The following TBX10 variants were observed in gnomAD, a reference collection of about 807,000 sequenced individuals.
TBX10 encodes T-box transcription factor 10, also known as T-box transcription factor TBX10.
TBX10 carries 26 observed loss-of-function variants against 32.4 expected under a neutral mutation model. The ratio of observed to expected loss-of-function variants is 0.80; its 90% CI spans 0.59 to 1.11. The LOEUF (loss-of-function observed/expected upper bound fraction) is 1.11. Ranked by LOEUF, TBX10 falls within the 50% of genes most tolerant of loss-of-function variation. TBX10 has a pLI of 0.00. For synonymous variants in TBX10, 195 were observed against 203.1 expected (o/e 0.96, Z 0.34); for missense variants, 490 against 494.5 (o/e 0.99, Z 0.09).
At chr11:67,639,002 C>G (rs769816567) in intron 1 of TBX10, among the ~76,000 whole-genome samples, 4 of 152,192 alleles carry the variant, frequency 2.6e-5, no homozygotes, top group Non-Finnish European at 5.9e-5. Context: ...CACCCGCTGC[C>G]CGTCGCAGCC....
intron 1 of TBX10, 73 bp downstream of exon 1, chr11:67,639,393 T>TTCCCCGGGGGGCC: frequency 1.4e-6 from 1 of 726,926 alleles, no homozygotes. Context: ...CTGTCTTGGT[T>TTCCCCGGGGGGCC]CCCACCCTGC....
intron 1 of TBX10, among the ~76,000 whole-genome samples, chr11:67,638,972 T>A (rs952670039): frequency 6.6e-6 from 1 of 152,114 alleles, no homozygotes; most frequent in African/African-American, 2.4e-5. Flanking sequence ...GGTCACTGGC[T>A]CCCAAGTCCT....
chr11:67,634,367 AGCACAGCGAGGTGGT>A lies in TBX10; in HGVS notation c.378-22_378-8del. The A allele has an allele frequency of 6.2e-7, 1 of 1,600,986 alleles. No homozygotes were observed. ...CGAGCTGTGGAAGGCATACCTGGGG[AGCACAGCGAGGTGGT>A]GAGGGCTTCCCCAACCAGAGTCACG... On this transcript the variant is annotated splice_polypyrimidine_tract_variant and splice_region_variant and intron_variant, in intron 3 of 7. Coordinates refer to ENST00000335385, the MANE Select transcript of TBX10 (RefSeq NM_005995.5).
chr11:67,640,165 C>T (rs962033101), upstream of TBX10, among the ~76,000 whole-genome samples: 4 of 152,300 alleles, frequency 2.6e-5, no homozygotes, highest in South Asian at 2.1e-4. Flanking sequence ...GCAGCAGCAA[C>T]GAGTGCAGTC....
At chr11:67,637,646 A>T (rs1855349104) in intron 1 of TBX10, among the ~76,000 whole-genome samples, 1 of 152,198 alleles carries the variant, frequency 6.6e-6, no homozygotes, top group African/African-American at 2.4e-5. Flanking sequence ...ACAGGCTATG[A>T]CCTAATGTTT....
intron 1 of TBX10, among the ~76,000 whole-genome samples, chr11:67,637,549 T>C (rs4930462): frequency 0.19 from 28,250 of 152,010 alleles, 3,008 homozygotes; most frequent in Admixed American, 0.32. Context: ...CTTTTAAAAC[T>C]GGCAAAGGCA....
In TBX10 at chr11:67,631,702, C is replaced by T. The variant is rs146672518; in HGVS notation, c.1061G>A (p.Arg354Gln). Residue 354 changes from arginine (R) to glutamine (Q), a missense_variant, in exon 8 of 8, where the codon CGG (arginine) becomes CAG (glutamine). Coordinates refer to ENST00000335385, the MANE Select transcript of TBX10 (RefSeq NM_005995.5). ...CAGGCCTCCTTGATCCCTATCAGCC[C>T]GGATGTTGGGGAGGGGGTATGGTGC... ...RPAPYPLPNIRADRDQGGLPL... is the reference protein window; with the variant it reads ...RPAPYPLPNIQADRDQGGLPL... The T allele has an allele frequency of 0.012, 19,024 of 1,609,080 alleles. 167 individuals carry two copies. The highest frequency in any genetic ancestry group is 0.013 in the Non-Finnish European group (15,102 of 1,178,350).
chr11:67,636,299 T>A (rs1418946741), intron 1 of TBX10, among the ~76,000 whole-genome samples: 1 of 149,790 alleles, frequency 6.7e-6, no homozygotes, highest in Non-Finnish European at 1.5e-5. Flanking sequence ...CCCAGGCTGG[T>A]CTTGAATTCC....
chr11:67,641,307 A>T (rs797009579), upstream of TBX10, among the ~76,000 whole-genome samples: 5 of 152,158 alleles, frequency 3.3e-5, no homozygotes, highest in South Asian at 2.1e-4. Flanking sequence ...GCACACTGAC[A>T]TGCTAACCCA....
At chr11:67,632,757 T>C in intron 5 of TBX10, 87 bp from the exon 6 acceptor site, 1 of 1,566,062 alleles carries the variant, frequency 6.4e-7, no homozygotes, top group East Asian at 2.2e-5. Flanking sequence ...CAGGAGGCCC[T>C]GGCACCTGGG....
chr11:67,639,393 T>TTCCCCGGGGGGCCCCCC, intron 1 of TBX10, 73 bp downstream of exon 1: 1 of 726,926 alleles, frequency 1.4e-6, no homozygotes, highest in Non-Finnish European at 2.5e-6. Flanking sequence ...CTGTCTTGGT[T>TTCCCCGGGGGGCCCCCC]CCCACCCTGC....
At position 67,633,013 on chromosome 11, in the gene TBX10, TCTC is replaced by T. The variant is rs751563556; in HGVS notation, c.637_639del (p.Glu213del). The stretch of plus-strand genomic sequence containing the variant: ...TCTGTGAAGATGAAGGACTTGAAGT[TCTC>T]CTGGGCATAGCGCTCACTGTCCTTG... On this transcript the variant is annotated inframe_deletion, in exon 5 of 8. Coordinates refer to ENST00000335385, the MANE Select transcript of TBX10 (RefSeq NM_005995.5). 1 of 1,614,182 alleles carries T rather than the reference TCTC, an allele frequency of 6.2e-7. No individual in the cohort carries two copies. The highest frequency in any genetic ancestry group is 1.7e-5 in the Admixed American group (1 of 60,026).
In TBX10 at chr11:67,639,464, A is replaced by G. The variant is rs772550426; in HGVS notation, c.7+2T>C. ...CCACCTCTGCTTCAGAACGTAGCCTACCTGCCATGGAGACAGAGAGGCTGT... is the reference window on the plus strand; with the variant it reads ...CCACCTCTGCTTCAGAACGTAGCCTGCCTGCCATGGAGACAGAGAGGCTGT... On this transcript the variant is annotated splice_donor_variant, in intron 1 of 7. Coordinates refer to ENST00000335385, the MANE Select transcript of TBX10 (RefSeq NM_005995.5). LOFTEE classifies it high-confidence loss of function. 8.3e-6 allele frequency: 13 copies of G among 1,574,968 alleles called. No homozygotes were observed. The African/African-American group carries it at 1.6e-4, about 20-fold the overall frequency.
upstream of TBX10, among the ~76,000 whole-genome samples, chr11:67,641,186 G>A (rs746660000): frequency 7.9e-5 from 12 of 151,984 alleles, no homozygotes; most frequent in Non-Finnish European, 1.6e-4. Context: ...CCCCTTCACC[G>A]AGACACCCAG....
Position 67,631,337 on chromosome 11 carries a change from G to C in TBX10, c.*268C>G. ...ATAGTTTAATGTTAGGGGGAAGGGA[G>C]AGGTAAGGCAGGGTTTTCGGGAGTT... On this transcript the variant is annotated 3_prime_UTR_variant, in exon 8 of 8. Transcript: ENST00000335385. The C allele has an allele frequency of 1.9e-6, 1 of 538,060 alleles. No homozygotes were observed. Among genetic ancestry groups the C allele is most frequent in the Non-Finnish European group, 3.4e-6 (1 of 297,564 alleles). The allele number at this position is 538,060 out of a possible 1,614,324, so 33.3% of individuals were successfully genotyped here.
chr11:67,637,981 G>A (rs1329159782), intron 1 of TBX10, among the ~76,000 whole-genome samples: 1 of 152,212 alleles, frequency 6.6e-6, no homozygotes, highest in Non-Finnish European at 1.5e-5. Context: ...GCCGAGGCGG[G>A]TAGGTCACTT....
At chr11:67,639,381 G>A in intron 1 of TBX10, 85 bp downstream of exon 1, 1 of 1,401,612 alleles carries the variant, frequency 7.1e-7, no homozygotes, top group South Asian at 1.2e-5. Context: ...GGTTCAGCGG[G>A]GCTGTCTTGG....
intron 1 of TBX10, among the ~76,000 whole-genome samples, chr11:67,635,678 A>C (rs925784575): frequency 8.2e-6 from 1 of 121,272 alleles, no homozygotes; most frequent in Admixed American, 1.0e-4. Context: ...GTTCTAGATG[A>C]TATGTGTGTG....
At position 67,632,353 on chromosome 11, in the gene TBX10, G is replaced by T. The variant is rs1164210301; in HGVS notation, c.833C>A (p.Pro278His). 1 of 1,613,376 alleles carries T rather than the reference G, an allele frequency of 6.2e-7. No individual in the cohort carries two copies. The highest frequency in any genetic ancestry group is 1.1e-5 in the South Asian group (1 of 91,084). Residue 278 changes from proline to histidine, a missense_variant, in exon 7 of 8, where the codon CCC (proline) becomes CAC (histidine). By Grantham distance (77) the Pro-to-His change is moderately conservative (BLOSUM62 -2). Around this residue, in one of 3 missense-constraint regions of TBX10, gnomAD observed 177 missense variants for 176.6 expected, o/e 1.00. Coordinates refer to ENST00000335385, the MANE Select transcript of TBX10 (RefSeq NM_005995.5). ...VPARSHSSLSPCVLKGATDRE... is the reference protein window; with the variant it reads ...VPARSHSSLSHCVLKGATDRE... ...GTCTGTGGCACCCTTCAGCACACAG[G>T]GACTGAGGCTGCTGTGACTCCGGGC...
Sources: gnomAD v4.1 joint callset for allele counts (sites outside exome capture counted in the v4.1 genomes callset) on GRCh38, gnomAD v4.1.1 for gene constraint, gnomAD v4.1.1 regional missense constraint, MANE v1.5 for transcripts, NCBI Gene and HGNC (gene_info 2026-07-23, HGNC 2026-07-21) for gene names.